The following EYS variants were observed in gnomAD, a reference collection of about 807,000 sequenced individuals.
The protein encoded by EYS is EGF-like photoreceptor maintenance factor.
Under a neutral mutation model 282.1 loss-of-function variants are expected in EYS, and 250 were observed. The ratio of observed to expected loss-of-function variants is 0.89; its 90% CI spans 0.80 to 0.98. EYS has a LOEUF of 0.98. Among genes scored for constraint, EYS ranks in the 50% least tolerant of loss-of-function variants. The probability of loss-of-function intolerance (pLI) is 0.00; values close to 1 mark genes in which losing one functional copy is unlikely to be tolerated. For missense variants in EYS, 4,016 were observed against 3,709.0 expected, an observed-to-expected ratio of 1.08 and a Z score of -2.15; for synonymous variants, 1,355 against 1,282.9, an observed-to-expected ratio of 1.06 and a Z score of -1.20.
At chr6:64,612,441 T>C (rs928664559) in intron 24 of EYS, among the ~76,000 whole-genome samples, 1 of 152,242 alleles carries the variant, frequency 6.6e-6, no homozygotes, top group Non-Finnish European at 1.5e-5. Context: ...CTTGAATTCT[T>C]AAGCAAGTTT....
chr6:65,339,696 C>T (rs925007774), intron 10 of EYS, among the ~76,000 whole-genome samples: 4 of 151,004 alleles, frequency 2.6e-5, no homozygotes, highest in Admixed American at 2.0e-4. Context: ...TGAAATGTGT[C>T]AAGCAGATTG....
chr6:64,906,507 T>G (rs1358202822), intron 16 of EYS, among the ~76,000 whole-genome samples: 1 of 152,216 alleles, frequency 6.6e-6, no homozygotes, highest in Non-Finnish European at 1.5e-5. Context: ...TGTTTGTACT[T>G]GTATACCTTA....
At chr6:65,379,419 C>T (rs1315681022) in intron 8 of EYS, among the ~76,000 whole-genome samples, 3 of 152,084 alleles carry the variant, frequency 2.0e-5, no homozygotes, top group Non-Finnish European at 4.4e-5. Flanking sequence ...TTCAACACCG[C>T]TTCATGCTAA....
intron 31 of EYS, among the ~76,000 whole-genome samples, chr6:64,089,380 A>C (rs996620327): frequency 1.4e-4 from 21 of 149,938 alleles, no homozygotes; most frequent in African/African-American, 5.1e-4. Context: ...AGATACATGA[A>C]ATTTTAAATA....
At chr6:65,443,643 A>G (rs1768525514) in intron 5 of EYS, among the ~76,000 whole-genome samples, 1 of 143,660 alleles carries the variant, frequency 7.0e-6, no homozygotes, top group Non-Finnish European at 1.6e-5. Context: ...AGAGGCACAT[A>G]TATGTGTCTA....
chr6:64,475,543 T>C (rs1582799589), intron 26 of EYS, among the ~76,000 whole-genome samples: 1 of 111,454 alleles, frequency 9.0e-6, no homozygotes, highest in African/African-American at 3.8e-5. Flanking sequence ...AGAGCGAGAC[T>C]CCGTCTCAAA....
At chr6:64,866,212 A>G (rs1357550642) in intron 19 of EYS, among the ~76,000 whole-genome samples, 2 of 151,894 alleles carry the variant, frequency 1.3e-5, no homozygotes, top group South Asian at 2.1e-4. Context: ...CTTTATCATG[A>G]TTATTTGGAA....
intron 31 of EYS, among the ~76,000 whole-genome samples, chr6:64,138,169 T>C (rs945130014): frequency 1.8e-4 from 28 of 152,122 alleles, no homozygotes; most frequent in African/African-American, 6.0e-4. Flanking sequence ...CAATTGTACA[T>C]AGTAGATGTA....
intron 33 of EYS, among the ~76,000 whole-genome samples, chr6:64,009,564 G>A (rs11969388): frequency 0.032 from 4,831 of 152,150 alleles, 260 homozygotes; most frequent in African/African-American, 0.11. Flanking sequence ...GATTACAAGC[G>A]CGAGCCACTT....
chr6:64,481,828 T>A (rs1776446585), intron 26 of EYS, among the ~76,000 whole-genome samples: 2 of 151,670 alleles, frequency 1.3e-5, no homozygotes, highest in African/African-American at 2.4e-5. Context: ...AAATACCTAC[T>A]TTGTGCAAAT....
chr6:63,840,928 T>C (rs1771939625), intron 36 of EYS, among the ~76,000 whole-genome samples: 1 of 152,204 alleles, frequency 6.6e-6, no homozygotes. Context: ...CCTTGCTGTT[T>C]TGGTTACTCT....
At chr6:65,194,175 T>C (rs2150241740) in intron 12 of EYS, among the ~76,000 whole-genome samples, 1 of 152,062 alleles carries the variant, frequency 6.6e-6, no homozygotes, top group Admixed American at 6.6e-5. Flanking sequence ...AAGTTGAAGA[T>C]CTCTGTAGTT....
chr6:64,982,700 A>G (rs1156623969), intron 14 of EYS, among the ~76,000 whole-genome samples: 1 of 151,184 alleles, frequency 6.6e-6, no homozygotes, highest in East Asian at 1.9e-4. Context: ...TAATTGTATT[A>G]TAATTTAATA....
intron 11 of EYS, among the ~76,000 whole-genome samples, chr6:65,301,897 T>C (rs1324184482): frequency 6.6e-6 from 1 of 152,246 alleles, no homozygotes; most frequent in African/African-American, 2.4e-5. Context: ...AGTGATGCTT[T>C]TTAGGATTTG....
intron 11 of EYS, chr6:65,330,245 T>C (rs1769747340): frequency 1.1e-6 from 1 of 950,506 alleles, no homozygotes; most frequent in African/African-American, 1.8e-5. Flanking sequence ...AAAAATATCT[T>C]CCAGTTAGAG....
chr6:63,807,796 GATA>G (rs1770943584), intron 36 of EYS, among the ~76,000 whole-genome samples: 1 of 151,006 alleles, frequency 6.6e-6, no homozygotes, highest in Admixed American at 6.6e-5. Context: ...GTGTCCCTGA[GATA>G]ATAACACTCT....
At chr6:64,615,069 A>G (rs1767231127) in intron 24 of EYS, among the ~76,000 whole-genome samples, 1 of 152,134 alleles carries the variant, frequency 6.6e-6, no homozygotes, top group Non-Finnish European at 1.5e-5. Flanking sequence ...TTCTAGTGCT[A>G]GAATGCCATG....
chr6:64,656,324 A>G (rs980486142), intron 22 of EYS, among the ~76,000 whole-genome samples: 3 of 152,142 alleles, frequency 2.0e-5, no homozygotes, highest in African/African-American at 7.2e-5. Flanking sequence ...TTAGGGGAGC[A>G]TTAGCAATTA....
intron 22 of EYS, among the ~76,000 whole-genome samples, chr6:64,704,050 A>C (rs890167750): frequency 2.2e-4 from 34 of 152,156 alleles, no homozygotes; most frequent in African/African-American, 7.7e-4. Flanking sequence ...TCCTACAGAA[A>C]TAATTGCATA....
Sources: allele counts gnomAD v4.1 joint callset (sites outside exome capture counted in the v4.1 genomes callset), GRCh38; gene constraint gnomAD v4.1.1; transcripts MANE v1.5; gene names NCBI Gene and HGNC (gene_info 2026-07-23, HGNC 2026-07-21).